HIVEP3: variants seen among roughly 807,000 people sequenced by gnomAD.
The protein encoded by HIVEP3 is transcription factor HIVEP3.
Under a neutral mutation model 152.8 loss-of-function variants are expected in HIVEP3, and 49 were observed. The ratio of observed to expected loss-of-function variants is 0.32; its 90% CI spans 0.26 to 0.41. The LOEUF (loss-of-function observed/expected upper bound fraction) is 0.41, where lower values mean the gene tolerates loss of function less well. Ranked by LOEUF, HIVEP3 falls within the 10% of genes least tolerant of loss-of-function variation. The probability of loss-of-function intolerance (pLI) is 1.00; values close to 1 mark genes in which losing one functional copy is unlikely to be tolerated. For missense variants in HIVEP3, 2,790 were observed against 3,103.3 expected, an observed-to-expected ratio of 0.90 and a Z score of 2.40; for synonymous variants, 1,269 against 1,289.0, an observed-to-expected ratio of 0.98 and a Z score of 0.33.
chr1:41,972,411 T>TA (rs961059959), intron 1 of HIVEP3, among the ~76,000 whole-genome samples: 9 of 152,172 alleles, frequency 5.9e-5, no homozygotes, highest in Non-Finnish European at 1.0e-4. Flanking sequence ...GATCTCCTGT[T>TA]AGAGGCAAGG....
At position 41,580,116 on chromosome 1, in the gene HIVEP3, T is replaced by C. The variant is rs376227749; in HGVS notation, c.4682A>G (p.Asp1561Gly). ...GCTCGGAGGTGCCAAGGAGGGGAGA[T>C]CAGGTTGTTCCTTGGAATCTTCTTT... The part of the protein sequence containing the change: ...VKKEDSKEQP[D>G]LPSLAPPSSL... Residue 1561 changes from aspartate (D) to glycine (G), a missense_variant, in exon 4 of 9, where the codon GAT (aspartate) becomes GGT (glycine). Around this residue, in one of 9 missense-constraint regions of HIVEP3, gnomAD observed 1,078 missense variants for 1,165.3 expected, o/e 0.93. Coordinates refer to ENST00000372583, the MANE Select transcript of HIVEP3 (RefSeq NM_024503.5). 3.7e-6 allele frequency: 6 copies of C among 1,613,998 alleles called. No homozygotes were observed. In the African/African-American group the frequency reaches 8.0e-5, roughly 22 times the overall value.
intron 1 of HIVEP3, among the ~76,000 whole-genome samples, chr1:41,957,332 A>G (rs1411193276): frequency 1.3e-5 from 2 of 152,256 alleles, no homozygotes; most frequent in Non-Finnish European, 2.9e-5. Context: ...CCCCAAAGTC[A>G]TAATTCTCTA....
At position 41,628,040 on chromosome 1, in the gene HIVEP3, G is replaced by T. The variant is rs549154108; in HGVS notation, c.-522+709C>A. On this transcript the variant is annotated intron_variant, in intron 3 of 8. Coordinates refer to ENST00000372583, the MANE Select transcript of HIVEP3 (RefSeq NM_024503.5). ...TAACACTGCACACCTAACCTGTACT[G>T]AAGCCTGAACATCTAGCCAGAAACC... is the stretch of plus-strand genomic sequence containing the variant. 1.8e-4 allele frequency among the ~76,000 whole-genome samples: 28 copies of T among 152,246 alleles called. 1 individual carries two copies. The highest frequency in any genetic ancestry group is 6.7e-4 in the African/African-American group (28 of 41,544).
chr1:41,923,178 A>G (rs758649498), upstream of HIVEP3, among the ~76,000 whole-genome samples: 5 of 152,282 alleles, frequency 3.3e-5, no homozygotes, highest in Non-Finnish European at 7.3e-5. Context: ...TAGTTAAGTA[A>G]TAAAAACTGA....
chr1:41,590,339 G>A (rs1644569357), intron 3 of HIVEP3, among the ~76,000 whole-genome samples: 1 of 152,228 alleles, frequency 6.6e-6, no homozygotes, highest in South Asian at 2.1e-4. Flanking sequence ...AGGCCCCCAA[G>A]CTGGGTCTAT....
chr1:41,562,593 TCC>T (rs1491233714), intron 5 of HIVEP3, among the ~76,000 whole-genome samples: 1 of 51,926 alleles, frequency 1.9e-5, no homozygotes, highest in African/African-American at 4.6e-5. Flanking sequence ...CTTCCTTCCT[TCC>T]TTTCTTTCTC....
At chr1:41,921,368 G>C (rs1181001600), upstream of HIVEP3, among the ~76,000 whole-genome samples, 3 of 152,164 alleles carry the variant, frequency 2.0e-5, no homozygotes, top group African/African-American at 7.2e-5. Flanking sequence ...TTGAATCATG[G>C]AGGCAGGTTT....
intron 1 of HIVEP3, among the ~76,000 whole-genome samples, chr1:41,820,520 T>C (rs948773576): frequency 6.6e-6 from 1 of 152,250 alleles, no homozygotes; most frequent in Non-Finnish European, 1.5e-5. Context: ...ATGGTCACTT[T>C]TAAAAAATAT....
intron 1 of HIVEP3, among the ~76,000 whole-genome samples, chr1:42,030,728 A>G (rs4660212): frequency 0.68 from 103,280 of 152,060 alleles, 35,730 homozygotes; most frequent in East Asian, 0.96. Flanking sequence ...CTCTCCTATT[A>G]GGCAGGCAAT....
chr1:41,994,286 G>A (rs78360514), intron 1 of HIVEP3, among the ~76,000 whole-genome samples: 8,587 of 149,522 alleles, frequency 0.057, 862 homozygotes, highest in African/African-American at 0.2. Context: ...AAAAATACCC[G>A]AGCAGCCTAG....
At chr1:41,976,527 C>T (rs1570861085) in intron 1 of HIVEP3, among the ~76,000 whole-genome samples, 2 of 152,188 alleles carry the variant, frequency 1.3e-5, no homozygotes, top group Admixed American at 6.5e-5. Flanking sequence ...ATTTATATAA[C>T]ATGCAATTTC....
intron 5 of HIVEP3, among the ~76,000 whole-genome samples, chr1:41,550,565 T>C (rs1189201273): frequency 2.0e-5 from 3 of 152,216 alleles, no homozygotes; most frequent in African/African-American, 4.8e-5. Context: ...GGTTTCTTTG[T>C]AGGTCTCCTT....
At chr1:41,942,315 T>C (rs1286816562) in intron 1 of HIVEP3, among the ~76,000 whole-genome samples, 1 of 152,212 alleles carries the variant, frequency 6.6e-6, no homozygotes, top group Non-Finnish European at 1.5e-5. Context: ...TTTACTCTTC[T>C]CATTCTCACT....
chr1:41,644,297 G>T (rs949761724), intron 2 of HIVEP3, among the ~76,000 whole-genome samples: 1 of 152,216 alleles, frequency 6.6e-6, no homozygotes. Flanking sequence ...GGGACAGTAC[G>T]TGTGGTGAGG....
intron 1 of HIVEP3, among the ~76,000 whole-genome samples, chr1:41,903,893 C>T (rs1644666710): frequency 6.7e-6 from 1 of 150,196 alleles, no homozygotes; most frequent in Non-Finnish European, 1.5e-5. Context: ...TGACCATTTT[C>T]CTTTTTTTTT....
At chr1:41,809,069 G>A (rs1650796380) in intron 1 of HIVEP3, among the ~76,000 whole-genome samples, 1 of 152,194 alleles carries the variant, frequency 6.6e-6, no homozygotes, top group Non-Finnish European at 1.5e-5. Context: ...TCTGCCTCTG[G>A]ACACCAGGCT....
At chr1:41,513,852 G>A in intron 7 of HIVEP3, 102 bp from the exon 8 acceptor site, 2 of 981,002 alleles carry the variant, frequency 2.0e-6, no homozygotes, top group East Asian at 2.9e-5. Flanking sequence ...CTGCTGACTG[G>A]GCAAAATAGC....
In HIVEP3 at chr1:42,022,205, T is replaced by G. The variant is rs956870725; in HGVS notation, n.119+13602A>C. 3.3e-5 allele frequency among the ~76,000 whole-genome samples: 5 copies of G among 152,220 alleles called. No individual in the cohort carries two copies. The East Asian group carries it at 9.6e-4, about 29-fold the overall frequency. On this transcript the variant is annotated intron_variant and non_coding_transcript_variant, in intron 1 of 3. Transcript: ENST00000489103. ...TTATGTTCACATCACTACTATTCTT[T>G]CTCAGAAAATTTCCAGCTACTCATT...
In HIVEP3 at chr1:41,624,583, G is replaced by A. The variant is rs115940023; in HGVS notation, c.-522+4166C>T. On this transcript the variant is annotated intron_variant, in intron 3 of 8. Coordinates refer to ENST00000372583, the MANE Select transcript of HIVEP3 (RefSeq NM_024503.5). ...TTTTTAAATTCAGGACTCTATATGCGTACACAAAACCATACAAGCAAGTAC... is the reference window on the plus strand; with the variant it reads ...TTTTTAAATTCAGGACTCTATATGCATACACAAAACCATACAAGCAAGTAC... Among the ~76,000 whole-genome samples the A allele has an allele frequency of 2.4e-3, 365 of 152,208 alleles. 1 individual carries two copies. Among genetic ancestry groups the A allele is most frequent in the African/African-American group, 8.2e-3 (341 of 41,518 alleles).
Sources: gnomAD v4.1 joint callset for allele counts (sites outside exome capture counted in the v4.1 genomes callset) on GRCh38, gnomAD v4.1.1 for gene constraint, gnomAD v4.1.1 regional missense constraint, MANE v1.5 for transcripts, NCBI Gene and HGNC (gene_info 2026-07-23, HGNC 2026-07-21) for gene names.